NALF1: variants seen among roughly 807,000 people sequenced by gnomAD.
NALF1 encodes the protein family with sequence similarity 155 member A.
In NALF1, 3 loss-of-function variants were observed where a neutral mutation model predicts 48.4. The ratio of observed to expected loss-of-function variants is 0.06; its 90% CI spans 0.03 to 0.16. The LOEUF (loss-of-function observed/expected upper bound fraction) is 0.16. Ranked by LOEUF, NALF1 falls within the 10% of genes least tolerant of loss-of-function variation. NALF1 has a pLI of 1.00. For missense variants in NALF1, 526 were observed against 571.5 expected, an observed-to-expected ratio of 0.92 and a Z score of 0.81; for synonymous variants, 262 against 245.7, an observed-to-expected ratio of 1.07 and a Z score of -0.62.
chr13:107,223,109 G>A (rs1880028535), intron 1 of NALF1, among the ~76,000 whole-genome samples: 1 of 152,138 alleles, frequency 6.6e-6, no homozygotes, highest in African/African-American at 2.4e-5. Flanking sequence ...TATTAGCAGT[G>A]ACAGTAGTGA....
chr13:107,287,836 A>G (rs9514647), intron 1 of NALF1, among the ~76,000 whole-genome samples: 57,864 of 150,458 alleles, frequency 0.38, 11,266 homozygotes, highest in East Asian at 0.56. Context: ...CTCCCGAGTA[A>G]CTGGGATTAC....
At chr13:107,658,203 T>C (rs931501431) in intron 1 of NALF1, among the ~76,000 whole-genome samples, 3 of 152,092 alleles carry the variant, frequency 2.0e-5, no homozygotes, top group African/African-American at 7.2e-5. Flanking sequence ...GCCTCCTAAG[T>C]AGGAAGATTG....
chr13:107,811,934 C>T (rs953279490), intron 1 of NALF1, among the ~76,000 whole-genome samples: 1 of 152,166 alleles, frequency 6.6e-6, no homozygotes, highest in Non-Finnish European at 1.5e-5. Flanking sequence ...ATAGCAACAC[C>T]TTTCATTGTC....
intron 1 of NALF1, among the ~76,000 whole-genome samples, chr13:107,261,346 G>C (rs1023347924): frequency 2.6e-5 from 4 of 152,004 alleles, no homozygotes; most frequent in Non-Finnish European, 4.4e-5. Context: ...TCCCATCCCT[G>C]GATCCTGCCA....
At chr13:107,705,662 G>C (rs1881931442) in intron 1 of NALF1, among the ~76,000 whole-genome samples, 1 of 152,058 alleles carries the variant, frequency 6.6e-6, no homozygotes, top group African/African-American at 2.4e-5. Context: ...CAGTGAGAAA[G>C]TAATAAAATT....
intron 1 of NALF1, among the ~76,000 whole-genome samples, chr13:107,855,855 T>C (rs1400423756): frequency 6.6e-6 from 1 of 152,162 alleles, no homozygotes; most frequent in South Asian, 2.1e-4. Flanking sequence ...ATATGGATGA[T>C]AACATTATTA....
intron 1 of NALF1, among the ~76,000 whole-genome samples, chr13:107,344,451 A>G (rs1395419096): frequency 5.3e-5 from 8 of 152,184 alleles, no homozygotes. Context: ...AACACTAGCA[A>G]ATCAATTTCA....
At chr13:107,643,327 G>T (rs1259260001) in intron 1 of NALF1, among the ~76,000 whole-genome samples, 1 of 152,154 alleles carries the variant, frequency 6.6e-6, no homozygotes, top group Non-Finnish European at 1.5e-5. Context: ...TAGACTTAAG[G>T]TATTAGTATA....
chr13:107,828,606 T>TATCTATACACACACAC (rs1426891111), intron 1 of NALF1, among the ~76,000 whole-genome samples: 8 of 103,914 alleles, frequency 7.7e-5, no homozygotes, highest in Non-Finnish European at 2.0e-4. Flanking sequence ...TCTATATCTA[T>TATCTATACACACACAC]ACACACACAC....
chr13:107,230,695 A>C (rs1204392785), intron 1 of NALF1, among the ~76,000 whole-genome samples: 2 of 152,090 alleles, frequency 1.3e-5, no homozygotes, highest in Non-Finnish European at 2.9e-5. Flanking sequence ...AGAGGAAGAG[A>C]GAGAAGAGAA....
chr13:107,826,131 T>C (rs1879509404), intron 1 of NALF1, among the ~76,000 whole-genome samples: 1 of 152,196 alleles, frequency 6.6e-6, no homozygotes. Context: ...GATGGTCTTT[T>C]AAAGGGAGCC....
intron 1 of NALF1, among the ~76,000 whole-genome samples, chr13:107,290,184 A>AT (rs1188662046): frequency 6.9e-6 from 1 of 144,500 alleles, no homozygotes. Flanking sequence ...CAAAAAAAAA[A>AT]AACAAAAAAA....
chr13:107,531,860 T>C lies in NALF1; in HGVS notation c.916-321105A>G, dbSNP rs149311510. 7.1e-3 allele frequency among the ~76,000 whole-genome samples: 1,085 copies of C among 152,232 alleles called. 11 individuals are homozygous for C. The highest frequency in any genetic ancestry group is 0.025 in the African/African-American group (1,030 of 41,540). ...CATGTGAAGTATTATCTACTGATAC[T>C]CCCCTTAGAATTTTTAAAAATTAAT... On this transcript the variant is annotated intron_variant, in intron 1 of 2. Coordinates refer to ENST00000375915, the MANE Select transcript of NALF1 (RefSeq NM_001080396.3).
At chr13:107,183,080 C>T (rs772623170) in intron 2 of NALF1, among the ~76,000 whole-genome samples, 1 of 152,162 alleles carries the variant, frequency 6.6e-6, no homozygotes, top group African/African-American at 2.4e-5. Context: ...CTTCCTGCCA[C>T]GTGCCTCCCT....
At chr13:107,227,266 G>T (rs1322508591) in intron 1 of NALF1, among the ~76,000 whole-genome samples, 1 of 152,138 alleles carries the variant, frequency 6.6e-6, no homozygotes, top group Admixed American at 6.5e-5. Flanking sequence ...TTACCTATGA[G>T]ATTCTTCCTT....
At chr13:107,541,650 G>C (rs1237424917) in intron 1 of NALF1, among the ~76,000 whole-genome samples, 1 of 152,122 alleles carries the variant, frequency 6.6e-6, no homozygotes, top group Non-Finnish European at 1.5e-5. Context: ...ATATATGTGT[G>C]TGTGTGCAGG....
intron 1 of NALF1, among the ~76,000 whole-genome samples, chr13:107,338,644 A>T (rs1357851789): frequency 6.6e-6 from 1 of 152,214 alleles, no homozygotes; most frequent in Admixed American, 6.5e-5. Flanking sequence ...GATTAGACAC[A>T]TTAATATTTG....
chr13:107,370,204 C>A (rs1192231085), intron 1 of NALF1, among the ~76,000 whole-genome samples: 1 of 152,202 alleles, frequency 6.6e-6, no homozygotes, highest in Non-Finnish European at 1.5e-5. Flanking sequence ...AGCTTTCCTG[C>A]AAACACTTGT....
At chr13:107,756,743 T>C (rs73603360) in intron 1 of NALF1, among the ~76,000 whole-genome samples, 3,078 of 151,802 alleles carry the variant, frequency 0.02, 87 homozygotes, top group African/African-American at 0.069. Context: ...AAAAAGAGGG[T>C]GTGTGCTCAA....
Sources: gnomAD v4.1 joint callset for allele counts (sites outside exome capture counted in the v4.1 genomes callset) on GRCh38, gnomAD v4.1.1 for gene constraint, MANE v1.5 for transcripts, NCBI Gene and HGNC (gene_info 2026-07-23, HGNC 2026-07-21) for gene names.